The following USP14 variants were observed in gnomAD, a reference collection of about 807,000 sequenced individuals.
USP14 encodes the protein ubiquitin carboxyl-terminal hydrolase 14.
Under a neutral mutation model 76.5 loss-of-function variants are expected in USP14, and 38 were observed. The observed-to-expected ratio is 0.50, with a 90% CI of 0.38 to 0.65. The LOEUF is 0.65. Among genes scored for constraint, USP14 ranks in the 30% least tolerant of loss-of-function variants. The pLI is 0.00. For missense variants in USP14, 467 were observed against 586.5 expected (o/e 0.80, Z 2.10); for synonymous variants, 192 against 191.7 (o/e 1.00, Z -0.01).
At chr18:200,949 G>C (rs985765242) in intron 10 of USP14, among the ~76,000 whole-genome samples, 1 of 151,930 alleles carries the variant, frequency 6.6e-6, no homozygotes, top group Non-Finnish European at 1.5e-5. Flanking sequence ...CTACAGGTGC[G>C]TGCCACCACA....
At chr18:158,787 G>C in intron 1 of USP14, 73 bp downstream of exon 1, 10 of 1,322,012 alleles carry the variant, frequency 7.6e-6, no homozygotes, top group Middle Eastern at 2.8e-4. Context: ...TGGCCTGCAC[G>C]GGCGGGCACC....
At chr18:166,457 C>G (rs539164555) in intron 2 of USP14, among the ~76,000 whole-genome samples, 1 of 151,936 alleles carries the variant, frequency 6.6e-6, no homozygotes, top group East Asian at 1.9e-4. Context: ...CTCAGCCTCC[C>G]GAGTAGCTGG....
At chr18:205,040 AT>A (rs977690107) in intron 13 of USP14, among the ~76,000 whole-genome samples, 1 of 151,560 alleles carries the variant, frequency 6.6e-6, no homozygotes, top group African/African-American at 2.4e-5. Context: ...ATGCCCAGCT[AT>A]TTTTTTGTAT....
intron 5 of USP14, among the ~76,000 whole-genome samples, chr18:188,127 T>A (rs1242153533): frequency 6.6e-6 from 1 of 152,186 alleles, no homozygotes; most frequent in Non-Finnish European, 1.5e-5. Context: ...GGGTTAAATA[T>A]TGATCTTGGG....
At chr18:164,124 C>CAGTT (rs1266741064) in intron 2 of USP14, among the ~76,000 whole-genome samples, 5 of 152,120 alleles carry the variant, frequency 3.3e-5, no homozygotes, top group Non-Finnish European at 7.4e-5. Flanking sequence ...GAACACTTTA[C>CAGTT]AGTTATCTGT....
intron 10 of USP14, among the ~76,000 whole-genome samples, chr18:201,294 GAA>G (rs1276593449): frequency 6.6e-6 from 1 of 152,216 alleles, no homozygotes; most frequent in Non-Finnish European, 1.5e-5. Flanking sequence ...CTTGAAGGAA[GAA>G]AAGTCAGTGA....
At chr18:190,311 A>G (rs1043988621) in intron 5 of USP14, among the ~76,000 whole-genome samples, 1 of 152,208 alleles carries the variant, frequency 6.6e-6, no homozygotes, top group Non-Finnish European at 1.5e-5. Flanking sequence ...GTATGTATGC[A>G]TATGCACAAA....
intron 12 of USP14, among the ~76,000 whole-genome samples, chr18:204,152 G>C (rs1453147751): frequency 6.6e-6 from 1 of 151,032 alleles, no homozygotes; most frequent in Non-Finnish European, 1.5e-5. Flanking sequence ...ATAAGCTATT[G>C]AACTATATCA....
intron 5 of USP14, among the ~76,000 whole-genome samples, chr18:186,237 G>C (rs903200799): frequency 5.9e-5 from 9 of 152,036 alleles, no homozygotes; most frequent in African/African-American, 1.7e-4. Context: ...TGAATCTATA[G>C]CTTGAGGCCA....
chr18:200,065 C>G (rs1910344757), intron 10 of USP14, among the ~76,000 whole-genome samples: 5 of 152,148 alleles, frequency 3.3e-5, no homozygotes, highest in Admixed American at 3.3e-4. Flanking sequence ...ACTGGGTGTT[C>G]CTGCTTCACA....
chr18:177,422 TA>T (rs550087165), intron 3 of USP14, among the ~76,000 whole-genome samples: 1,087 of 108,640 alleles, frequency 0.01, 5 homozygotes, highest in African/African-American at 0.024. Flanking sequence ...TCCCTGTCTC[TA>T]AAAAAAAAAA....
At position 199,199 on chromosome 18, in the gene USP14, A is replaced by G; in HGVS notation, c.762-3A>G. The G allele has an allele frequency of 6.2e-7, 1 of 1,602,918 alleles. No homozygotes were observed. Among genetic ancestry groups the G allele is most frequent in the Non-Finnish European group, 8.5e-7 (1 of 1,170,002 alleles). On this transcript the variant is annotated splice_polypyrimidine_tract_variant and splice_region_variant and intron_variant, in intron 9 of 15. Transcript: ENST00000261601. ...GGCATATTCCTTATCTTAGTTTACA[A>G]AGCATGAAATGTACAGAATCTGAAG...
At chr18:207,081 C>T (rs1910551246) in intron 13 of USP14, among the ~76,000 whole-genome samples, 1 of 106,150 alleles carries the variant, frequency 9.4e-6, no homozygotes, top group Middle Eastern at 4.5e-3. Flanking sequence ...GTTCTTTGCC[C>T]ATCAGATGGT....
chr18:164,878 A>G (rs963191712), intron 2 of USP14, among the ~76,000 whole-genome samples: 1 of 152,184 alleles, frequency 6.6e-6, no homozygotes, highest in Non-Finnish European at 1.5e-5. Flanking sequence ...CTCAGTGACC[A>G]CAGTTAAGAA....
At chr18:173,363 G>A (rs573681964) in intron 3 of USP14, among the ~76,000 whole-genome samples, 3 of 151,654 alleles carry the variant, frequency 2.0e-5, no homozygotes, top group Non-Finnish European at 4.4e-5. Flanking sequence ...AGCCCGCCTT[G>A]GCCTCCCAAA....
chr18:196,099 G>A (rs1205324941), intron 6 of USP14, among the ~76,000 whole-genome samples: 1 of 152,058 alleles, frequency 6.6e-6, no homozygotes, highest in Non-Finnish European at 1.5e-5. Flanking sequence ...GAGGCTGGCG[G>A]ATCACAAGGT....
chr18:204,531 G>A, intron 12 of USP14, 33 bp from the exon 13 acceptor site: 1 of 1,493,150 alleles, frequency 6.7e-7, no homozygotes, highest in South Asian at 1.3e-5. Flanking sequence ...TTATAAATGT[G>A]TTTACACATG....
Position 196,699 on chromosome 18 carries a change from C to A in USP14, c.526C>A (p.Leu176Met). The A allele has an allele frequency of 6.2e-7, 1 of 1,614,044 alleles. No homozygotes were observed. The highest frequency in any genetic ancestry group is 8.5e-7 in the Non-Finnish European group (1 of 1,179,968). ...TTCCAGTATTCCACCTATTATTCTACTGCAGTTTTTGCACATGGCTTTCCC... is the reference window on the plus strand; with the variant it reads ...TTCCAGTATTCCACCTATTATTCTAATGCAGTTTTTGCACATGGCTTTCCC... ...TSSSIPPIIL[L>M]QFLHMAFPQF... The change falls in exon 7 of 16, where the codon CTG (leucine) becomes ATG (methionine). Residue 176 changes from leucine (L) to methionine (M), a missense_variant. Coordinates refer to ENST00000261601, the MANE Select transcript of USP14 (RefSeq NM_005151.4).
At chr18:163,279 A>T in intron 1 of USP14, 29 bp from the exon 2 acceptor site, 1 of 1,559,890 alleles carries the variant, frequency 6.4e-7, no homozygotes, top group Non-Finnish European at 8.7e-7. Flanking sequence ...GTTATTTTTT[A>T]ATTAAAAAAA....
Sources: allele counts gnomAD v4.1 joint callset (sites outside exome capture counted in the v4.1 genomes callset), GRCh38; gene constraint gnomAD v4.1.1; transcripts MANE v1.5; gene names NCBI Gene and HGNC (gene_info 2026-07-23, HGNC 2026-07-21).